RTEL1: variants seen among roughly 807,000 people sequenced by gnomAD.
RTEL1 encodes the protein regulator of telomere elongation helicase 1.
RTEL1 carries 86 observed loss-of-function variants against 162.2 expected under a neutral mutation model. That is an observed-to-expected ratio of 0.53 (90% confidence interval 0.45 to 0.63). The LOEUF (loss-of-function observed/expected upper bound fraction) is 0.63, where lower values mean the gene tolerates loss of function less well. Among genes scored for constraint, RTEL1 ranks in the 30% least tolerant of loss-of-function variants. RTEL1 has a pLI of 0.00. For missense variants in RTEL1, 1,941 were observed against 1,750.2 expected, an observed-to-expected ratio of 1.11 and a Z score of -1.95; for synonymous variants, 958 against 717.9, an observed-to-expected ratio of 1.33 and a Z score of -5.35.
rs535980546 is a variant in RTEL1 at position 63,671,052 on chromosome 20, G to A, written c.700-1504G>A. 1.1e-4 allele frequency among the ~76,000 whole-genome samples: 17 copies of A among 152,216 alleles called. 1 individual carries two copies. In the South Asian group the frequency reaches 3.5e-3, roughly 32 times the overall value. On this transcript the variant is annotated intron_variant, in intron 8 of 34. Transcript: ENST00000360203. ...AGAGGCCCATTGAGGAGGACCTACT[G>A]TTTTTTGTGTTTTTGTTTTTTGTTT...
Position 63,695,329 on chromosome 20 carries a change from C to T in RTEL1, c.3501C>T (p.Gly1167=), listed in dbSNP as rs2090950580. 4 of 1,562,884 alleles carry T rather than the reference C, an allele frequency of 2.6e-6. No individual in the cohort carries two copies. Among genetic ancestry groups the T allele is most frequent in the Non-Finnish European group, 3.5e-6 (4 of 1,154,144 alleles). Residue 1167 remains glycine (G), a splice_region_variant and synonymous_variant, in exon 34 of 35, where the codon GGC becomes GGT. Transcript: ENST00000360203. The stretch of plus-strand genomic sequence containing the variant: ...TCAGACTCAAGTCTCTGTCTCCAGG[C>T]CCCTCACGGTCCGAGAAGACCGGGA... ...PVLTHRAPQP[G]PSRSEKTGKT...
At position 63,681,025 on chromosome 20, in the gene RTEL1, A is replaced by T. The variant is rs1446639196; in HGVS notation, c.1191+306A>T. On this transcript the variant is annotated intron_variant, in intron 14 of 34. Transcript: ENST00000360203. ...TGTCCGGGCCCTCAGGCCAGGGGGG[A>T]CCCACTGCTGGCAGCCCCAGCAGCC... is the stretch of plus-strand genomic sequence containing the variant. 7 of 985,092 alleles carry T rather than the reference A, an allele frequency of 7.1e-6. No homozygotes were observed. In the African/African-American group the frequency reaches 8.7e-5, roughly 12 times the overall value. 61.0% of individuals were successfully genotyped at this position (985,092 alleles called of 1,614,324 possible).
At chr20:63,676,077 C>T (rs184508860) in intron 10 of RTEL1, among the ~76,000 whole-genome samples, 1 of 151,936 alleles carries the variant, frequency 6.6e-6, no homozygotes, top group African/African-American at 2.4e-5. Flanking sequence ...TCTGTTCCCC[C>T]ACCCCTTTGG....
In RTEL1 at chr20:63,689,039, C is replaced by G. The variant is rs763354770; in HGVS notation, c.1801-16C>G. 1.2e-6 allele frequency: 2 copies of G among 1,608,808 alleles called. No homozygotes were observed. Among genetic ancestry groups the G allele is most frequent in the East Asian group, 4.5e-5 (2 of 44,856 alleles). On this transcript the variant is annotated splice_polypyrimidine_tract_variant and intron_variant, in intron 21 of 34. Transcript: ENST00000360203. Reference sequence around the variant, plus strand: ...GGGGGGGGCTCCAGGCTCAGCCTCACCAACTTTCCTTCCAGACCATCAGTG... The same window carrying G: ...GGGGGGGGCTCCAGGCTCAGCCTCAGCAACTTTCCTTCCAGACCATCAGTG...
intron 12 of RTEL1, among the ~76,000 whole-genome samples, chr20:63,679,530 G>A (rs1276087946): frequency 1.3e-5 from 2 of 152,060 alleles, no homozygotes; most frequent in Admixed American, 6.6e-5. Flanking sequence ...CTTTTCCTCG[G>A]TGCTGTTCTC....
Position 63,690,802 on chromosome 20 carries a change from C to T in RTEL1, c.2414-3C>T. ...TTCACTGCGCACTCGGGTGCCCCTG[C>T]AGGGTCACCAGCTGCCGGGGACCCC... On this transcript the variant is annotated splice_polypyrimidine_tract_variant and splice_region_variant and intron_variant, in intron 26 of 34. Transcript: ENST00000360203. The T allele has an allele frequency of 6.2e-7, 1 of 1,601,828 alleles. No individual in the cohort carries two copies. The highest frequency in any genetic ancestry group is 8.5e-7 in the Non-Finnish European group (1 of 1,176,130).
In RTEL1 at chr20:63,687,497, T is replaced by C. The variant is rs2090623459; in HGVS notation, c.1349-141T>C. 4 of 979,258 alleles carry C rather than the reference T, an allele frequency of 4.1e-6. No homozygotes were observed. In the East Asian group the frequency reaches 7.9e-5, roughly 19 times the overall value. The allele number at this position is 979,258 out of a possible 1,614,324, so 60.7% of individuals were successfully genotyped here. A position where few individuals can be genotyped will look rare whatever the true frequency, so the allele number is the denominator to read the frequency against. ...GGGCAGCCTCCTTTGTTCTGACTTC[T>C]GCACAGTGGGCCTGGGTGGCTGCCC... On this transcript the variant is annotated intron_variant, in intron 16 of 34. Transcript: ENST00000360203.
At chr20:63,680,026 C>G in intron 13 of RTEL1, 80 bp downstream of exon 13, 1 of 971,134 alleles carries the variant, frequency 1.0e-6, no homozygotes, top group Non-Finnish European at 1.5e-6. Context: ...GCAGTCAGGG[C>G]TCCCCTGGCC....
intron 16 of RTEL1, 28 bp downstream of exon 16, chr20:63,685,900 G>C (rs368839164): frequency 1.3e-6 from 2 of 1,597,952 alleles, no homozygotes; most frequent in East Asian, 2.3e-5. Flanking sequence ...CACGCTCCCC[G>C]CCCGCCCGGG....
intron 10 of RTEL1, among the ~76,000 whole-genome samples, chr20:63,675,184 C>T (rs868370388): frequency 2.0e-5 from 3 of 152,320 alleles, no homozygotes; most frequent in African/African-American, 2.4e-5. Context: ...GGATTACAGG[C>T]GTGAGCCGCC....
chr20:63,690,705 C>G, intron 26 of RTEL1, 100 bp from the exon 27 acceptor site: 1 of 1,367,652 alleles, frequency 7.3e-7, no homozygotes, highest in Non-Finnish European at 9.8e-7. Context: ...AGGCAGGACC[C>G]CAAGTGCTGG....
Position 63,694,949 on chromosome 20 carries a change from G to A in RTEL1, c.3318G>A (p.Lys1106=). ...LAVLAALTTA[K]PEDFPLLHRF... ...TGTTGGCCGCCCTGACCACTGCAAA[G>A]CCAGAGGACTTCCCCCTGCTGCACA... Residue 1106 remains lysine, a synonymous_variant, in exon 32 of 35, where the codon AAG becomes AAA. Transcript: ENST00000360203. 10 of 1,612,568 alleles carry A rather than the reference G, an allele frequency of 6.2e-6. No homozygotes were observed. Among genetic ancestry groups the A allele is most frequent in the South Asian group, 1.1e-5 (1 of 91,086 alleles).
In RTEL1 at chr20:63,696,205, C is replaced by T. The variant is rs2090977167; in HGVS notation, c.*347C>T. Reference sequence around the variant, plus strand: ...CCGTGGGCACGTGTCCACTTTTAATCAGGGGACAGGGCTCTCTAATAAAGC... The same window carrying T: ...CCGTGGGCACGTGTCCACTTTTAATTAGGGGACAGGGCTCTCTAATAAAGC... On this transcript the variant is annotated 3_prime_UTR_variant, in exon 35 of 35. Coordinates refer to ENST00000360203, the MANE Select transcript of RTEL1 (RefSeq NM_001283009.2). The T allele has an allele frequency of 2.5e-6, 1 of 402,524 alleles. No homozygotes were observed. The allele number at this position is 402,524 out of a possible 1,614,324, so 24.9% of individuals were successfully genotyped here.
intron 14 of RTEL1, among the ~76,000 whole-genome samples, 179 bp from the exon 15 acceptor site, chr20:63,685,344 G>C (rs2090568434): frequency 6.6e-6 from 1 of 152,220 alleles, no homozygotes; most frequent in South Asian, 2.1e-4. Context: ...TCCCTGCAGG[G>C]AGGAGAAAGG....
At chr20:63,663,900 A>G (rs955977711) in intron 6 of RTEL1, among the ~76,000 whole-genome samples, 1 of 152,148 alleles carries the variant, frequency 6.6e-6, no homozygotes, top group African/African-American at 2.4e-5. Flanking sequence ...GTGGTCCCGC[A>G]TGACCCACTA....
chr20:63,667,403 T>C (rs2090157714), intron 7 of RTEL1, 66 bp from the exon 8 acceptor site: 6 of 1,277,722 alleles, frequency 4.7e-6, no homozygotes, highest in African/African-American at 1.5e-5. Context: ...TCAGAAGACA[T>C]GGCGGCCTCG....
chr20:63,661,864 A>G lies in RTEL1; in HGVS notation c.316A>G (p.Ile106Val), dbSNP rs2090027158. ...AGDPIACYTDIPKIIYASRTH... is the reference protein window; with the variant it reads ...AGDPIACYTDVPKIIYASRTH... Reference sequence around the variant, plus strand: ...TGTCTGGTCAGCTTGCTACACGGACATCCCAAAGATTATTTACGCCTCCAG... The same window carrying G: ...TGTCTGGTCAGCTTGCTACACGGACGTCCCAAAGATTATTTACGCCTCCAG... Residue 106 changes from isoleucine (I) to valine (V), a missense_variant, in exon 4 of 35, where the codon ATC becomes GTC. Physicochemically the swap from Ile to Val is conservative, Grantham distance 29 (BLOSUM62 3). Coordinates refer to ENST00000360203, the MANE Select transcript of RTEL1 (RefSeq NM_001283009.2). The surrounding 1 kb of genome is among the most constrained non-coding windows in gnomAD (Gnocchi z 5.1). 3 of 1,614,126 alleles carry G rather than the reference A, an allele frequency of 1.9e-6. No individual in the cohort carries two copies. The highest frequency in any genetic ancestry group is 1.7e-6 in the Non-Finnish European group (2 of 1,180,006).
chr20:63,691,072 G>C (rs879626044), intron 27 of RTEL1, 125 bp downstream of exon 27: 428 of 1,072,416 alleles, frequency 4.0e-4, no homozygotes, highest in Non-Finnish European at 5.3e-4. Flanking sequence ...GCAGGCAGGC[G>C]GGCAAGCGGG....
chr20:63,667,013 G>T (rs941450992), intron 7 of RTEL1, among the ~76,000 whole-genome samples: 1 of 151,470 alleles, frequency 6.6e-6, no homozygotes, highest in Non-Finnish European at 1.5e-5. Context: ...CTAATTTTCT[G>T]TATTTTTAGT....
Sources: allele counts gnomAD v4.1 joint callset (sites outside exome capture counted in the v4.1 genomes callset), GRCh38; gene constraint gnomAD v4.1.1; non-coding constraint Gnocchi (gnomAD v3.1); transcripts MANE v1.5; gene names NCBI Gene and HGNC (gene_info 2026-07-23, HGNC 2026-07-21).